Variants in NBPF12 observed in about 807,000 individuals in gnomAD.
The protein encoded by NBPF12 is NBPF family member NBPF12.
A neutral mutation model predicts 146.4 loss-of-function variants in NBPF12; 115 were observed. The observed-to-expected ratio is 0.79, with a 90% CI of 0.68 to 0.92. The LOEUF is 0.92. Ranked by LOEUF, NBPF12 falls within the 40% of genes least tolerant of loss-of-function variation. The probability of loss-of-function intolerance (pLI) is 0.00; values close to 1 mark genes in which losing one functional copy is unlikely to be tolerated. For missense variants in NBPF12, 1,205 were observed against 1,326.8 expected (o/e 0.91, Z 1.43); for synonymous variants, 385 against 508.9 (o/e 0.76, Z 3.28).
At chr1:146,970,944 C>T (rs1235173749) in intron 12 of NBPF12, among the ~76,000 whole-genome samples, 3 of 151,444 alleles carry the variant, frequency 2.0e-5, no homozygotes, top group East Asian at 3.9e-4. Flanking sequence ...CTTCATCCTC[C>T]TCAGCTCCTA....
chr1:146,962,662 C>A lies in NBPF12; in HGVS notation c.278+399C>A, dbSNP rs1240025593. Among the ~76,000 whole-genome samples, 79 of 150,634 alleles carry A rather than the reference C, an allele frequency of 5.2e-4. No individual in the cohort carries two copies. In the East Asian group the frequency reaches 0.014, roughly 28 times the overall value. ...ACTCAATCAATGTTGCCTTCTTGAC[C>A]CTGTCATTCTTTTCTTCTTTCATCT... On this transcript the variant is annotated intron_variant, in intron 5 of 33. Coordinates refer to ENST00000617844, the Ensembl canonical transcript of NBPF12.
At chr1:146,950,010 T>C (rs1655259220) in intron 1 of NBPF12, among the ~76,000 whole-genome samples, 1 of 152,038 alleles carries the variant, frequency 6.6e-6, no homozygotes, top group South Asian at 2.1e-4. Flanking sequence ...ATAACTGGCA[T>C]ATAACAACAT....
At chr1:146,940,252 T>A (rs1232462651) in intron 1 of NBPF12, among the ~76,000 whole-genome samples, 6 of 152,010 alleles carry the variant, frequency 3.9e-5, no homozygotes, top group Non-Finnish European at 8.8e-5. Context: ...CTGAGAACTT[T>A]GTGTCAAAGA....
intron 4 of NBPF12, among the ~76,000 whole-genome samples, chr1:146,961,174 C>G (rs1655826487): frequency 1.3e-5 from 2 of 151,882 alleles, no homozygotes; most frequent in Non-Finnish European, 2.9e-5. Flanking sequence ...ATAAATAAAT[C>G]AAAAATAAAA....
At position 146,960,021 on chromosome 1, in the gene NBPF12, T is replaced by G; in HGVS notation, c.-36+15T>G. The G allele has an allele frequency of 9.7e-6, 4 of 412,608 alleles. No homozygotes were observed. Among genetic ancestry groups the G allele is most frequent in the Non-Finnish European group, 1.6e-5 (4 of 245,324 alleles). 25.6% of individuals were successfully genotyped at this position (412,608 alleles called of 1,614,324 possible). A position where few individuals can be genotyped will look rare whatever the true frequency, so the allele number is the denominator to read the frequency against. On this transcript the variant is annotated intron_variant, in intron 3 of 33. Coordinates refer to ENST00000617844, the Ensembl canonical transcript of NBPF12. ...TTTTCACAACAGTAAGTTAAGAATTTCAGTTACTGACATCCCTCAGTCCTG... is the reference window on the plus strand; with the variant it reads ...TTTTCACAACAGTAAGTTAAGAATTGCAGTTACTGACATCCCTCAGTCCTG...
Position 146,966,572 on chromosome 1 carries a change from G to C in NBPF12, c.887G>C (p.Arg296Pro), listed in dbSNP as rs1553885672. ...ATTCTAGAAATCAATGAGAAGTTGC[G>C]CCCCCAGCTGGCAGAGAAGAAACAG... The change falls in exon 9 of 34, where the codon CGC (arginine) becomes CCC (proline). Residue 296 changes from arginine (R) to proline (P), a missense_variant. By Grantham distance (103) the Arg-to-Pro change is moderately radical (BLOSUM62 -2). This residue lies in a region of NBPF12 where 325 missense variants were observed against 236.6 expected (regional missense o/e 1.37). Transcript: ENST00000617844. 5 of 1,393,654 alleles carry C rather than the reference G, an allele frequency of 3.6e-6. No individual in the cohort carries two copies. In the African/African-American group the frequency reaches 7.3e-5, roughly 20 times the overall value. 86.3% of individuals were successfully genotyped at this position (1,393,654 alleles called of 1,614,324 possible).
At chr1:146,965,959 T>C (rs1204909216) in intron 8 of NBPF12, among the ~76,000 whole-genome samples, 7 of 151,202 alleles carry the variant, frequency 4.6e-5, no homozygotes, top group African/African-American at 1.7e-4. Flanking sequence ...AATACAAAAA[T>C]TAGCTGTCAT....
At chr1:146,962,038 T>C (rs1270449325) in intron 4 of NBPF12, 123 bp from the exon 8 acceptor site, 1 of 798,154 alleles carries the variant, frequency 1.3e-6, no homozygotes, top group Non-Finnish European at 2.1e-6. Context: ...GAAATCCCTG[T>C]CTAGACCCTG....
intron 6 of NBPF12, 45 bp from the exon 10 acceptor site, chr1:146,964,312 G>C: frequency 1.3e-6 from 2 of 1,598,550 alleles, no homozygotes; most frequent in South Asian, 2.2e-5. Flanking sequence ...TGTGCTTGCA[G>C]AATGTGAAGT....
chr1:146,969,872 T>C (rs1221202173), intron 11 of NBPF12, among the ~76,000 whole-genome samples: 5 of 150,992 alleles, frequency 3.3e-5, no homozygotes, highest in East Asian at 2.0e-4. Flanking sequence ...AAGGAGGCTG[T>C]GATGGGAGGG....
exon 34 of NBPF12, chr1:146,995,744 C>A (rs1411633367): frequency 1.3e-5 from 2 of 150,384 alleles, no homozygotes; most frequent in East Asian, 3.9e-4. Flanking sequence ...TGTCCATCAC[C>A]ATTATGATAT....
At chr1:146,980,265 T>C (rs1657289045) in intron 19 of NBPF12, among the ~76,000 whole-genome samples, 1 of 152,082 alleles carries the variant, frequency 6.6e-6, no homozygotes, top group Non-Finnish European at 1.5e-5. Flanking sequence ...TGACTCTTTA[T>C]CCAATTTGCC....
chr1:146,978,290 A>G (rs1657177762), intron 18 of NBPF12, among the ~76,000 whole-genome samples: 2 of 98,656 alleles, frequency 2.0e-5, no homozygotes, highest in African/African-American at 7.7e-5. Flanking sequence ...TTTGCGATGG[A>G]GTCCTGCTCT....
intron 8 of NBPF12, 64 bp downstream of exon 11, chr1:146,965,168 C>A: frequency 1.1e-6 from 1 of 946,090 alleles, no homozygotes; most frequent in Non-Finnish European, 1.7e-6. Flanking sequence ...ATTCTGAGGA[C>A]AGGCTGTATA....
At chr1:146,964,812 G>A in intron 7 of NBPF12, 81 bp from the exon 11 acceptor site, 1 of 1,596,934 alleles carries the variant, frequency 6.3e-7, no homozygotes, top group East Asian at 2.2e-5. Context: ...AATGCCGCCT[G>A]TCAAAACCAG....
intron 8 of NBPF12, among the ~76,000 whole-genome samples, chr1:146,966,072 A>G (rs1465886711): frequency 9.9e-5 from 15 of 151,858 alleles, no homozygotes; most frequent in Non-Finnish European, 2.1e-4. Context: ...GTGCCTCTGC[A>G]CTGCAGCCTG....
In NBPF12 at chr1:146,966,671, A is replaced by T; in HGVS notation, c.986A>T (p.Tyr329Phe). 5.2e-6 allele frequency: 7 copies of T among 1,344,352 alleles called. No individual in the cohort carries two copies. In the South Asian group the frequency reaches 8.2e-5, roughly 16 times the overall value. The allele number at this position is 1,344,352 out of a possible 1,614,324, so 83.3% of individuals were successfully genotyped here. A position where few individuals can be genotyped will look rare whatever the true frequency, so the allele number is the denominator to read the frequency against. ...TTCCTGGCCAAGCAGCAGAACAAATACAGTAAGATCTACAGGCTCACCATC... is the reference window on the plus strand; with the variant it reads ...TTCCTGGCCAAGCAGCAGAACAAATTCAGTAAGATCTACAGGCTCACCATC... The change falls in exon 9 of 34, where the codon TAC (tyrosine) becomes TTC (phenylalanine). Residue 329 changes from tyrosine (Y) to phenylalanine (F), a missense_variant and splice_region_variant. Around this residue, in one of 16 missense-constraint regions of NBPF12, gnomAD observed 325 missense variants for 236.6 expected, o/e 1.37. Coordinates refer to ENST00000617844, the Ensembl canonical transcript of NBPF12.
rs1429851333 is a variant in NBPF12 at position 146,961,059 on chromosome 1, G to A, written c.175+741G>A. On this transcript the variant is annotated intron_variant, in intron 4 of 33. Coordinates refer to ENST00000617844, the Ensembl canonical transcript of NBPF12. ...TAATCGGGTGGCTGAGGCAGAAGAA[G>A]CCTTTGAACCCAGCAGGCAGGTGTT... is the stretch of plus-strand genomic sequence containing the variant. Among the ~76,000 whole-genome samples, 12 of 152,126 alleles carry A rather than the reference G, an allele frequency of 7.9e-5. 2 individuals carry two copies. The highest frequency in any genetic ancestry group is 2.9e-4 in the African/African-American group (12 of 41,452).
chr1:146,970,225 G>A (rs1656502841), intron 11 of NBPF12, among the ~76,000 whole-genome samples: 1 of 150,478 alleles, frequency 6.6e-6, no homozygotes, highest in South Asian at 2.1e-4. Context: ...TGGAGGGCCT[G>A]TGCAGTCTCA....
Sources: allele counts gnomAD v4.1 joint callset (sites outside exome capture counted in the v4.1 genomes callset), GRCh38; gene constraint gnomAD v4.1.1; regional missense constraint gnomAD v4.1.1; transcripts MANE v1.5; gene names NCBI Gene and HGNC (gene_info 2026-07-23, HGNC 2026-07-21).